The following SBF2 variants were observed in gnomAD, a reference collection of about 807,000 sequenced individuals.
The protein encoded by SBF2 is myotubularin-related protein 13.
A neutral mutation model predicts 225.2 loss-of-function variants in SBF2; 112 were observed. The observed-to-expected ratio is 0.50, with a 90% CI of 0.43 to 0.58. The LOEUF (loss-of-function observed/expected upper bound fraction) is 0.58. Among genes scored for constraint, SBF2 ranks in the 20% least tolerant of loss-of-function variants. The pLI, the probability that SBF2 is intolerant of heterozygous loss-of-function variation, is 0.00. For missense variants in SBF2, 1,996 were observed against 2,206.2 expected (o/e 0.90, Z 1.91); for synonymous variants, 763 against 773.3 (o/e 0.99, Z 0.22).
chr11:10,099,292 C>T (rs1029701510), intron 2 of SBF2, among the ~76,000 whole-genome samples: 3 of 151,744 alleles, frequency 2.0e-5, no homozygotes, highest in African/African-American at 7.3e-5. Flanking sequence ...TGTTACGGAC[C>T]AGAAGAAAGG....
chr11:9,852,288 G>C (rs1470140575), intron 21 of SBF2, among the ~76,000 whole-genome samples: 1 of 152,002 alleles, frequency 6.6e-6, no homozygotes, highest in Non-Finnish European at 1.5e-5. Context: ...GGGATGTATA[G>C]TCAGATTCAG....
intron 16 of SBF2, among the ~76,000 whole-genome samples, chr11:9,918,169 G>GTA (rs1863268626): frequency 7.9e-6 from 1 of 126,046 alleles, no homozygotes; most frequent in Non-Finnish European, 1.6e-5. Context: ...CGCCACATTT[G>GTA]TCATCGGCTC....
chr11:9,939,436 T>C (rs1398895275), intron 16 of SBF2, among the ~76,000 whole-genome samples: 1 of 152,218 alleles, frequency 6.6e-6, no homozygotes, highest in Admixed American at 6.5e-5. Flanking sequence ...CAATTAATAC[T>C]GCAGGGACTA....
chr11:9,808,867 TATAAA>T (rs1238653332), intron 31 of SBF2, 29 bp downstream of exon 31: 4 of 1,433,644 alleles, frequency 2.8e-6, no homozygotes, highest in Non-Finnish European at 3.9e-6. Flanking sequence ...GAAATATAAA[TATAAA>T]ATATCAAAAA....
At chr11:10,290,057 T>G (rs1041742429) in intron 1 of SBF2, among the ~76,000 whole-genome samples, 3 of 152,204 alleles carry the variant, frequency 2.0e-5, no homozygotes, top group African/African-American at 7.2e-5. Flanking sequence ...AAAAGAAGAA[T>G]TATCCCAAGT....
chr11:9,868,627 C>T (rs1167155077), intron 17 of SBF2, among the ~76,000 whole-genome samples: 1 of 152,192 alleles, frequency 6.6e-6, no homozygotes, highest in Admixed American at 6.5e-5. Flanking sequence ...ATAAGGTCTA[C>T]ATATTACCAT....
At chr11:10,019,657 T>TG (rs779907599) in intron 6 of SBF2, among the ~76,000 whole-genome samples, 2 of 150,158 alleles carry the variant, frequency 1.3e-5, no homozygotes, top group African/African-American at 2.4e-5. Context: ...GGTCAAACAT[T>TG]GAAAAAAAAA....
chr11:10,269,562 G>C (rs1962297072), intron 1 of SBF2, among the ~76,000 whole-genome samples: 1 of 152,154 alleles, frequency 6.6e-6, no homozygotes, highest in Middle Eastern at 3.2e-3. Flanking sequence ...CTATTATTGT[G>C]TACCAGACAC....
chr11:10,132,141 T>G (rs1954089570), intron 2 of SBF2, among the ~76,000 whole-genome samples: 1 of 152,226 alleles, frequency 6.6e-6, no homozygotes, highest in African/African-American at 2.4e-5. Flanking sequence ...TGAATTGTTT[T>G]TGTACCTTTG....
chr11:10,026,185 C>G (rs768587894), intron 6 of SBF2, among the ~76,000 whole-genome samples: 1 of 152,024 alleles, frequency 6.6e-6, no homozygotes, highest in Non-Finnish European at 1.5e-5. Flanking sequence ...CCTCACAACT[C>G]ATGGTAAAAC....
intron 32 of SBF2, among the ~76,000 whole-genome samples, chr11:9,796,978 G>A (rs2133874368): frequency 6.6e-6 from 1 of 152,308 alleles, no homozygotes; most frequent in Admixed American, 6.5e-5. Flanking sequence ...TCCCTAGTCT[G>A]CCTCGCAATC....
At chr11:9,867,142 T>C (rs1052444483) in intron 17 of SBF2, among the ~76,000 whole-genome samples, 1 of 152,200 alleles carries the variant, frequency 6.6e-6, no homozygotes, top group African/African-American at 2.4e-5. Flanking sequence ...TTGGATTGTT[T>C]GTAACACAAA....
intron 13 of SBF2, among the ~76,000 whole-genome samples, chr11:9,975,410 T>A (rs1427956942): frequency 6.6e-6 from 1 of 152,094 alleles, no homozygotes; most frequent in East Asian, 1.9e-4. Flanking sequence ...CATAATGCCA[T>A]TATGGAAAAG....
At chr11:9,908,328 G>C (rs1343486964) in intron 16 of SBF2, among the ~76,000 whole-genome samples, 1 of 152,202 alleles carries the variant, frequency 6.6e-6, no homozygotes, top group Non-Finnish European at 1.5e-5. Flanking sequence ...ATTGTGAATA[G>C]AGAAGGCAGA....
intron 32 of SBF2, among the ~76,000 whole-genome samples, chr11:9,804,542 A>T (rs1248668589): frequency 6.6e-6 from 1 of 152,216 alleles, no homozygotes; most frequent in African/African-American, 2.4e-5. Context: ...CACCACAATC[A>T]TGATACAGAA....
chr11:10,043,966 T>A (rs1949755565), intron 2 of SBF2, among the ~76,000 whole-genome samples: 1 of 152,132 alleles, frequency 6.6e-6, no homozygotes, highest in African/African-American at 2.4e-5. Flanking sequence ...AAATAAAACA[T>A]CAAAATTTGT....
chr11:9,832,987 G>T (rs1855487774), intron 26 of SBF2, among the ~76,000 whole-genome samples: 1 of 152,162 alleles, frequency 6.6e-6, no homozygotes, highest in South Asian at 2.1e-4. Context: ...TCCACAACTT[G>T]AAATAAAGAT....
At chr11:9,960,424 T>C (rs531965206) in intron 16 of SBF2, 7 of 152,366 alleles carry the variant, frequency 4.6e-5, no homozygotes, top group African/African-American at 1.4e-4. Context: ...AAGTCTTTAA[T>C]ACATGTGGAA....
At chr11:10,098,679 GCACACACACACACACACACACACA>G (rs56244507) in intron 2 of SBF2, among the ~76,000 whole-genome samples, 1 of 130,830 alleles carries the variant, frequency 7.6e-6, no homozygotes, top group Non-Finnish European at 1.6e-5. Context: ...GACAAAAAAT[GCACACACACACACACACACACACA>G]CACACACACA....
Sources: allele counts gnomAD v4.1 joint callset (sites outside exome capture counted in the v4.1 genomes callset), GRCh38; gene constraint gnomAD v4.1.1; transcripts MANE v1.5; gene names NCBI Gene and HGNC (gene_info 2026-07-23, HGNC 2026-07-21).